UBASH3B: variants seen among roughly 807,000 people sequenced by gnomAD.
The protein encoded by UBASH3B is ubiquitin-associated and SH3 domain-containing protein B.
In UBASH3B, 37 loss-of-function variants were observed where a neutral mutation model predicts 83.4. The ratio of observed to expected loss-of-function variants is 0.44; its 90% CI spans 0.34 to 0.58. UBASH3B has a LOEUF of 0.58. Among genes scored for constraint, UBASH3B ranks in the 20% least tolerant of loss-of-function variants. The pLI is 0.01. For missense variants in UBASH3B, 657 were observed against 827.2 expected, an observed-to-expected ratio of 0.79 and a Z score of 2.52; for synonymous variants, 304 against 318.3, an observed-to-expected ratio of 0.96 and a Z score of 0.48.
chr11:122,701,955 G>A (rs922318021), intron 1 of UBASH3B, among the ~76,000 whole-genome samples: 7 of 152,118 alleles, frequency 4.6e-5, no homozygotes, highest in East Asian at 1.9e-4. Context: ...CTGGGCTCAC[G>A]TGATCCTCCT....
At chr11:122,766,369 C>G (rs1284061485) in intron 1 of UBASH3B, among the ~76,000 whole-genome samples, 4 of 152,056 alleles carry the variant, frequency 2.6e-5, no homozygotes, top group Non-Finnish European at 5.9e-5. Flanking sequence ...ACAGGTGAAA[C>G]CCCGTCTCTA....
chr11:122,731,359 A>G (rs1261902947), intron 1 of UBASH3B, among the ~76,000 whole-genome samples: 2 of 152,074 alleles, frequency 1.3e-5, no homozygotes, highest in Non-Finnish European at 2.9e-5. Flanking sequence ...TAAGTTGAGA[A>G]CTTTCACCTT....
At chr11:122,792,461 G>C (rs751218266) in intron 6 of UBASH3B, among the ~76,000 whole-genome samples, 1 of 152,062 alleles carries the variant, frequency 6.6e-6, no homozygotes, top group African/African-American at 2.4e-5. Context: ...CAGGACTACA[G>C]GTGTGTGCCA....
chr11:122,723,754 T>C (rs2135946094), intron 1 of UBASH3B, among the ~76,000 whole-genome samples: 1 of 152,328 alleles, frequency 6.6e-6, no homozygotes, highest in East Asian at 1.9e-4. Context: ...CCTGTTTCCA[T>C]GTGCATTGTG....
At chr11:122,720,137 A>G (rs1006041587) in intron 1 of UBASH3B, among the ~76,000 whole-genome samples, 1 of 152,048 alleles carries the variant, frequency 6.6e-6, no homozygotes, top group African/African-American at 2.4e-5. Flanking sequence ...TCCCCCACCC[A>G]GTCCTCTCTC....
chr11:122,720,866 A>G (rs539056727), intron 1 of UBASH3B, among the ~76,000 whole-genome samples: 65 of 152,162 alleles, frequency 4.3e-4, no homozygotes, highest in African/African-American at 1.4e-3. Context: ...TATAAACTGC[A>G]TGAGGTCAAA....
intron 1 of UBASH3B, among the ~76,000 whole-genome samples, chr11:122,699,531 C>T (rs779279554): frequency 6.5e-4 from 70 of 107,934 alleles, no homozygotes; most frequent in African/African-American, 1.9e-3. Flanking sequence ...TTCTTTCTTT[C>T]TCTTTCTTTC....
intron 1 of UBASH3B, among the ~76,000 whole-genome samples, chr11:122,741,204 T>C (rs964857294): frequency 6.6e-6 from 1 of 152,222 alleles, no homozygotes; most frequent in African/African-American, 2.4e-5. Context: ...TTTTATAAGA[T>C]CTTCACAGAA....
intron 1 of UBASH3B, among the ~76,000 whole-genome samples, chr11:122,745,405 A>G (rs79665919): frequency 1.3e-5 from 2 of 152,198 alleles, no homozygotes; most frequent in Non-Finnish European, 2.9e-5. Flanking sequence ...AGATCATAAC[A>G]AAGTCTCTGA....
At chr11:122,683,776 TGA>T (rs199515577) in intron 1 of UBASH3B, among the ~76,000 whole-genome samples, 1,444 of 23,044 alleles carry the variant, frequency 0.063, 11 homozygotes, top group Middle Eastern at 0.21. Context: ...TGTGTGTGTG[TGA>T]GCCAGGTTTC....
chr11:122,787,545 A>G (rs1400630706), intron 5 of UBASH3B, among the ~76,000 whole-genome samples: 1 of 152,108 alleles, frequency 6.6e-6, no homozygotes, highest in African/African-American at 2.4e-5. Context: ...CCAGAAGGAA[A>G]TTCTCTCTTT....
intron 1 of UBASH3B, among the ~76,000 whole-genome samples, chr11:122,766,755 A>G (rs1321341920): frequency 6.6e-6 from 1 of 152,206 alleles, no homozygotes; most frequent in Non-Finnish European, 1.5e-5. Flanking sequence ...AAATAAATAC[A>G]TAAAAATAAA....
chr11:122,762,292 C>T (rs373576329), intron 1 of UBASH3B, among the ~76,000 whole-genome samples: 121 of 152,244 alleles, frequency 7.9e-4, no homozygotes, highest in African/African-American at 2.8e-3. Context: ...CTTACTCCCT[C>T]CAGAGATATT....
At chr11:122,677,446 G>A (rs745343276) in intron 1 of UBASH3B, among the ~76,000 whole-genome samples, 10 of 152,208 alleles carry the variant, frequency 6.6e-5, no homozygotes, top group South Asian at 2.1e-4. Flanking sequence ...GTTTATGTGC[G>A]TCTGTGCTGC....
intron 10 of UBASH3B, among the ~76,000 whole-genome samples, 178 bp downstream of exon 10, chr11:122,799,212 C>T (rs899972541): frequency 2.6e-5 from 4 of 152,212 alleles, no homozygotes; most frequent in South Asian, 4.2e-4. Flanking sequence ...TACTCTGGGC[C>T]GGGCACGGTG....
chr11:122,715,321 C>T (rs911913707), intron 1 of UBASH3B, among the ~76,000 whole-genome samples: 16 of 152,102 alleles, frequency 1.1e-4, no homozygotes, highest in African/African-American at 3.6e-4. Context: ...TATTGATTGG[C>T]GGTTGAGGTG....
At chr11:122,682,032 C>T (rs1863746811) in intron 1 of UBASH3B, among the ~76,000 whole-genome samples, 1 of 152,108 alleles carries the variant, frequency 6.6e-6, no homozygotes, top group Admixed American at 6.6e-5. Context: ...GTCTGTTCTC[C>T]CTGCCTTGTC....
chr11:122,735,772 A>G (rs1425720834), intron 1 of UBASH3B, among the ~76,000 whole-genome samples: 1 of 152,218 alleles, frequency 6.6e-6, no homozygotes, highest in African/African-American at 2.4e-5. Context: ...AAGGCAAAGA[A>G]GAAAATGAGG....
intron 1 of UBASH3B, among the ~76,000 whole-genome samples, chr11:122,689,274 ATTGT>A (rs1456110080): frequency 1.3e-5 from 2 of 152,178 alleles, no homozygotes; most frequent in African/African-American, 4.8e-5. Flanking sequence ...TTTGCTGTCA[ATTGT>A]TTGTCTAAAC....
Sources: gnomAD v4.1 joint callset for allele counts (sites outside exome capture counted in the v4.1 genomes callset) on GRCh38, gnomAD v4.1.1 for gene constraint, MANE v1.5 for transcripts, NCBI Gene and HGNC (gene_info 2026-07-23, HGNC 2026-07-21) for gene names.